BAZ2B: variants seen among roughly 807,000 people sequenced by gnomAD.
BAZ2B encodes the protein bromodomain adjacent to zinc finger domain protein 2B.
BAZ2B carries 91 observed loss-of-function variants against 246.0 expected under a neutral mutation model. The observed-to-expected ratio is 0.37, with a 90% CI of 0.31 to 0.44. The LOEUF is 0.44. Among genes scored for constraint, BAZ2B ranks in the 20% least tolerant of loss-of-function variants. The pLI, the probability that BAZ2B is intolerant of heterozygous loss-of-function variation, is 1.00. For missense variants in BAZ2B, 2,332 were observed against 2,533.7 expected (o/e 0.92, Z 1.71); for synonymous variants, 855 against 860.0 (o/e 0.99, Z 0.10).
At chr2:159,456,978 A>G (rs1469607866) in intron 3 of BAZ2B, among the ~76,000 whole-genome samples, 1 of 152,242 alleles carries the variant, frequency 6.6e-6, no homozygotes, top group Non-Finnish European at 1.5e-5. Context: ...TTTAGAACTC[A>G]GTGATATTTT....
intron 27 of BAZ2B, among the ~76,000 whole-genome samples, chr2:159,359,616 G>A (rs936707136): frequency 3.3e-5 from 5 of 152,006 alleles, no homozygotes; most frequent in African/African-American, 7.3e-5. Context: ...TAAGGCCAGC[G>A]TCAATACCTG....
the BAZ2B span, among the ~76,000 whole-genome samples, chr2:159,663,009 T>G: frequency 0.31 from 47,541 of 151,976 alleles, 9,378 homozygotes; most frequent in Admixed American, 0.48. Flanking sequence ...TTTTTTAAAA[T>G]GAGCTTTTTA....
At chr2:159,431,247 C>A in intron 9 of BAZ2B, 91 bp from the exon 10 acceptor site, 1 of 1,476,370 alleles carries the variant, frequency 6.8e-7, no homozygotes, top group Admixed American at 2.5e-5. Context: ...CAGGAACCAG[C>A]ACCTGTGAAT....
chr2:159,603,385 C>T (rs964709606), intron 1 of BAZ2B, among the ~76,000 whole-genome samples: 6 of 152,108 alleles, frequency 3.9e-5, no homozygotes, highest in Admixed American at 3.3e-4. Flanking sequence ...AGAAGAAATG[C>T]TAATATTTGG....
chr2:159,373,287 T>G, intron 26 of BAZ2B, 98 bp from the exon 27 acceptor site: 1 of 1,093,388 alleles, frequency 9.1e-7, no homozygotes, highest in Non-Finnish European at 1.2e-6. Context: ...TTTAAGCACA[T>G]AAATTTCACT....
intron 13 of BAZ2B, among the ~76,000 whole-genome samples, chr2:159,417,577 G>C (rs569681281): frequency 6.6e-6 from 1 of 151,876 alleles, no homozygotes; most frequent in African/African-American, 2.4e-5. Context: ...GAGAAAAAAG[G>C]AAAAAAAGAA....
the BAZ2B span, among the ~76,000 whole-genome samples, chr2:159,657,980 G>A: frequency 8.5e-5 from 13 of 152,120 alleles, no homozygotes; most frequent in Admixed American, 3.9e-4. Flanking sequence ...GAATGGGAGC[G>A]GTGAAAGTGG....
chr2:159,697,400 CATAA>C, the BAZ2B span, among the ~76,000 whole-genome samples: 1 of 152,168 alleles, frequency 6.6e-6, no homozygotes, highest in Non-Finnish European at 1.5e-5. Context: ...ACAAACAATT[CATAA>C]ATAATGTGAT....
intron 3 of BAZ2B, among the ~76,000 whole-genome samples, chr2:159,455,674 T>A (rs1391979407): frequency 2.7e-5 from 4 of 150,384 alleles, no homozygotes; most frequent in Admixed American, 6.7e-5. Context: ...TGAAGATGAG[T>A]CAAAATAAAA....
chr2:159,366,631 GC>G (rs1294172122), intron 27 of BAZ2B, among the ~76,000 whole-genome samples: 7 of 152,188 alleles, frequency 4.6e-5, no homozygotes, highest in Non-Finnish European at 7.4e-5. Flanking sequence ...GGGAAACGCT[GC>G]CATTGAGAAA....
At chr2:159,627,588 T>C in the BAZ2B span, among the ~76,000 whole-genome samples, 48 of 152,270 alleles carry the variant, frequency 3.2e-4, no homozygotes, top group Middle Eastern at 3.4e-3. Context: ...TCTCAATAGA[T>C]GCAGAAAAGG....
Position 159,446,772 on chromosome 2 carries a change from T to G in BAZ2B, c.696+10A>C. On this transcript the variant is annotated intron_variant, in intron 6 of 36. Coordinates refer to ENST00000392783, the MANE Select transcript of BAZ2B (RefSeq NM_013450.4). ...TCTGTTATATATTAGTCCTTCCAAG[T>G]ACAACTTACCTTATCTTTGATTTTG... 1.9e-6 allele frequency: 3 copies of G among 1,593,884 alleles called. No homozygotes were observed. Among genetic ancestry groups the G allele is most frequent in the Non-Finnish European group, 2.6e-6 (3 of 1,170,724 alleles).
At chr2:159,566,112 A>G (rs1457605575) in intron 1 of BAZ2B, among the ~76,000 whole-genome samples, 1 of 152,130 alleles carries the variant, frequency 6.6e-6, no homozygotes, top group Non-Finnish European at 1.5e-5. Flanking sequence ...CCCAGGTTCA[A>G]GCGATTCTCC....
chr2:159,489,514 C>G (rs2151008706), intron 2 of BAZ2B, among the ~76,000 whole-genome samples: 1 of 152,188 alleles, frequency 6.6e-6, no homozygotes. Flanking sequence ...GAGGTGGTGG[C>G]TAAAAACTTT....
chr2:159,456,225 C>T (rs900671447), intron 3 of BAZ2B, among the ~76,000 whole-genome samples: 1 of 151,914 alleles, frequency 6.6e-6, no homozygotes, highest in East Asian at 1.9e-4. Context: ...TCTGCAATAA[C>T]TAACTGTAAT....
Position 159,385,281 on chromosome 2 carries a change from T to C in BAZ2B, c.3560A>G (p.His1187Arg), listed in dbSNP as rs2062495770. The C allele has an allele frequency of 6.2e-7, 1 of 1,613,574 alleles. No homozygotes were observed. Among genetic ancestry groups the C allele is most frequent in the African/African-American group, 1.3e-5 (1 of 75,008 alleles). ...SEILQIFMEA[H>R]CGQTELTESL... The stretch of plus-strand genomic sequence containing the variant: ...TTCAGTAAGCTCAGTTTGTCCACAG[T>C]GGGCTTCCATAAATATCTGTAAAAT... The change falls in exon 23 of 37, where the codon CAC becomes CGC. Residue 1187 changes from histidine to arginine, a missense_variant. By Grantham distance (29) the His-to-Arg change is conservative. Transcript: ENST00000392783.
At chr2:159,359,111 C>A (rs181132607) in intron 27 of BAZ2B, among the ~76,000 whole-genome samples, 7 of 152,072 alleles carry the variant, frequency 4.6e-5, no homozygotes, top group Non-Finnish European at 7.4e-5. Flanking sequence ...AAGATCAGAG[C>A]AGAACTAAAG....
At chr2:159,481,425 AAT>A (rs956365614) in intron 2 of BAZ2B, among the ~76,000 whole-genome samples, 3 of 150,934 alleles carry the variant, frequency 2.0e-5, no homozygotes, top group East Asian at 1.9e-4. Context: ...TATAATAAAA[AAT>A]ATATATATAA....
the BAZ2B span, among the ~76,000 whole-genome samples, chr2:159,682,915 C>T: frequency 2.7e-5 from 2 of 73,106 alleles, no homozygotes; most frequent in Non-Finnish European, 3.6e-5. Flanking sequence ...CCCCTCCCCC[C>T]CCCCACACAC....
Sources: allele counts gnomAD v4.1 joint callset (sites outside exome capture counted in the v4.1 genomes callset), GRCh38; gene constraint gnomAD v4.1.1; transcripts MANE v1.5; gene names NCBI Gene and HGNC (gene_info 2026-07-23, HGNC 2026-07-21).